RAB3IL1: variants seen among roughly 807,000 people sequenced by gnomAD.
RAB3IL1 encodes the protein guanine nucleotide exchange factor for Rab-3A.
In RAB3IL1, 37 loss-of-function variants were observed where a neutral mutation model predicts 49.2. That is an observed-to-expected ratio of 0.75 (90% CI 0.58 to 0.99). The LOEUF is 0.99. RAB3IL1 is among the 50% of genes least tolerant of loss of function. The probability of loss-of-function intolerance (pLI) is 0.00; values close to 1 mark genes in which losing one functional copy is unlikely to be tolerated. For missense variants in RAB3IL1, 484 were observed against 513.0 expected, an observed-to-expected ratio of 0.94 and a Z score of 0.55; for synonymous variants, 193 against 213.9, an observed-to-expected ratio of 0.90 and a Z score of 0.85.
At chr11:61,941,572 G>GA in the RAB3IL1 span, among the ~76,000 whole-genome samples, 9 of 152,124 alleles carry the variant, frequency 5.9e-5, no homozygotes, top group Admixed American at 5.2e-4. Flanking sequence ...CTAATGTGGT[G>GA]AAACCCCATC....
upstream of RAB3IL1, among the ~76,000 whole-genome samples, chr11:61,921,031 T>C (rs754452747): frequency 2.8e-4 from 43 of 152,322 alleles, no homozygotes; most frequent in Non-Finnish European, 5.3e-4. Flanking sequence ...TTGTTTGTTT[T>C]TAATTTTTCA....
At chr11:61,915,801 G>A (rs1939653279) in intron 1 of RAB3IL1, among the ~76,000 whole-genome samples, 1 of 152,170 alleles carries the variant, frequency 6.6e-6, no homozygotes, top group Admixed American at 6.5e-5. Context: ...ACTTTGGGAG[G>A]CTGAGGCGGG....
chr11:61,922,587 A>T (rs943877538), upstream of RAB3IL1, among the ~76,000 whole-genome samples: 2 of 139,872 alleles, frequency 1.4e-5, no homozygotes, highest in African/African-American at 2.5e-5. Flanking sequence ...AGACTGAAAG[A>T]AGTGTTTCCT....
chr11:61,915,406 C>T (rs549037463), intron 1 of RAB3IL1, among the ~76,000 whole-genome samples: 1 of 152,288 alleles, frequency 6.6e-6, no homozygotes, highest in Non-Finnish European at 1.5e-5. Flanking sequence ...TGGCCTTGGC[C>T]TGGGTGCCTC....
the RAB3IL1 span, among the ~76,000 whole-genome samples, chr11:61,926,946 G>A: frequency 2.0e-5 from 3 of 152,154 alleles, no homozygotes; most frequent in African/African-American, 7.2e-5. Context: ...CAACTCCCAG[G>A]TTCAAGCGAT....
chr11:61,905,575 T>C (rs960022495), intron 5 of RAB3IL1, among the ~76,000 whole-genome samples: 5 of 151,194 alleles, frequency 3.3e-5, no homozygotes, highest in Non-Finnish European at 5.9e-5. Context: ...GACAGACAGG[T>C]AGACAGGTGC....
At chr11:61,934,319 T>TACACACACACACACACACACACAC in the RAB3IL1 span, among the ~76,000 whole-genome samples, 2 of 126,526 alleles carry the variant, frequency 1.6e-5, no homozygotes, top group African/African-American at 5.9e-5. Flanking sequence ...TGAGTAAATA[T>TACACACACACACACACACACACAC]ACACACACAC....
At chr11:61,907,751 T>A in intron 2 of RAB3IL1, 91 bp from the exon 3 acceptor site, 1 of 1,188,148 alleles carries the variant, frequency 8.4e-7, no homozygotes, top group Non-Finnish European at 1.2e-6. Flanking sequence ...TTCCATCCCC[T>A]CGTCATTTTA....
At chr11:61,904,992 A>T in intron 5 of RAB3IL1, 110 bp from the exon 6 acceptor site, 1 of 807,648 alleles carries the variant, frequency 1.2e-6, no homozygotes, top group East Asian at 2.5e-5. Flanking sequence ...AGGCCCAGCA[A>T]GCCAGCAGGT....
At position 61,917,560 on chromosome 11, in the gene RAB3IL1, G is replaced by A. The variant is rs1355641462; in HGVS notation, c.-193C>T. The A allele has an allele frequency of 4.6e-6, 5 of 1,093,878 alleles. No homozygotes were observed. Among genetic ancestry groups the A allele is most frequent in the Middle Eastern group, 4.0e-4 (1 of 2,516 alleles). 67.8% of individuals were successfully genotyped at this position (1,093,878 alleles called of 1,614,324 possible). On this transcript the variant is annotated 5_prime_UTR_variant, in exon 1 of 10. Transcript: ENST00000394836. ...GCCCAGCCCCGACCCTGCCCTGGGCGGGTCACGTGGCGGAGGGGGGAGCGG... is the reference window on the plus strand; with the variant it reads ...GCCCAGCCCCGACCCTGCCCTGGGCAGGTCACGTGGCGGAGGGGGGAGCGG...
chr11:61,917,638 GGC>G (rs1939767246), upstream of RAB3IL1: 2 of 939,150 alleles, frequency 2.1e-6, no homozygotes, highest in Non-Finnish European at 2.6e-6. Context: ...GCTGGGATCC[GGC>G]GCGCGCTCCC....
intron 1 of RAB3IL1, among the ~76,000 whole-genome samples, chr11:61,909,231 A>C: frequency 6.6e-6 from 1 of 151,886 alleles, no homozygotes; most frequent in Non-Finnish European, 1.5e-5. Flanking sequence ...TCAGTGAGGG[A>C]AGTTGGGGGG....
rs138532012 is a variant in RAB3IL1 at position 61,904,913 on chromosome 11, G to A, written c.658-31C>T. 5.5e-4 allele frequency: 849 copies of A among 1,530,118 alleles called. 1 individual carries two copies. In the African/African-American group the frequency reaches 9.5e-3, roughly 17 times the overall value. 94.8% of individuals were successfully genotyped at this position (1,530,118 alleles called of 1,614,324 possible). ...GGGGAGGGCAAGCGAGGGTGGGGGCGGTCAGGGTACTGGGGCCAGCATAGA... is the reference window on the plus strand; with the variant it reads ...GGGGAGGGCAAGCGAGGGTGGGGGCAGTCAGGGTACTGGGGCCAGCATAGA... On this transcript the variant is annotated intron_variant, in intron 5 of 9. Coordinates refer to ENST00000394836, the MANE Select transcript of RAB3IL1 (RefSeq NM_013401.4).
chr11:61,912,914 G>A (rs117324079), intron 1 of RAB3IL1, among the ~76,000 whole-genome samples: 3 of 152,202 alleles, frequency 2.0e-5, no homozygotes, highest in Non-Finnish European at 4.4e-5. Context: ...GGGCTGGATG[G>A]GGGGGCAGGA....
At chr11:61,940,538 G>A in the RAB3IL1 span, among the ~76,000 whole-genome samples, 1 of 152,144 alleles carries the variant, frequency 6.6e-6, no homozygotes, top group African/African-American at 2.4e-5. Context: ...TGTAATCCTG[G>A]CATTTTGGGA....
chr11:61,908,523 C>T (rs542390508), intron 1 of RAB3IL1, among the ~76,000 whole-genome samples: 1 of 152,374 alleles, frequency 6.6e-6, no homozygotes. Context: ...CTTTGTCAAC[C>T]ACCCCTTCCA....
intron 7 of RAB3IL1, 56 bp from the exon 8 acceptor site, chr11:61,902,597 A>C (rs1262679446): frequency 7.0e-7 from 1 of 1,425,136 alleles, no homozygotes. Context: ...CCTCTCCCTC[A>C]CCCCTGCATA....
upstream of RAB3IL1, among the ~76,000 whole-genome samples, chr11:61,925,269 C>G (rs1185054402): frequency 6.6e-6 from 1 of 152,174 alleles, no homozygotes; most frequent in Non-Finnish European, 1.5e-5. Flanking sequence ...CCACCAGTCA[C>G]TCTCTCAGGA....
chr11:61,930,434 G>A, the RAB3IL1 span, among the ~76,000 whole-genome samples: 1 of 152,156 alleles, frequency 6.6e-6, no homozygotes, highest in South Asian at 2.1e-4. Flanking sequence ...TATGGAAAGG[G>A]TGAGCTTGAA....
Sources: gnomAD v4.1 joint callset for allele counts (sites outside exome capture counted in the v4.1 genomes callset) on GRCh38, gnomAD v4.1.1 for gene constraint, MANE v1.5 for transcripts, NCBI Gene and HGNC (gene_info 2026-07-23, HGNC 2026-07-21) for gene names.